The following CREBBP variants were observed in gnomAD, a reference collection of about 807,000 sequenced individuals.
CREBBP encodes the protein CREB-binding protein.
CREBBP carries 19 observed loss-of-function variants against 265.0 expected under a neutral mutation model. The observed-to-expected ratio is 0.07, with a 90% CI of 0.05 to 0.11. The LOEUF (loss-of-function observed/expected upper bound fraction) is 0.11, where lower values mean the gene tolerates loss of function less well. CREBBP is among the 10% of genes least tolerant of loss of function. The pLI is 1.00. For missense variants in CREBBP, 2,525 were observed against 3,219.0 expected (o/e 0.78, Z 5.22); for synonymous variants, 1,457 against 1,223.7 (o/e 1.19, Z -3.98).
At chr16:3,869,812 T>G (rs558386337) in intron 1 of CREBBP, among the ~76,000 whole-genome samples, 8 of 152,206 alleles carry the variant, frequency 5.3e-5, no homozygotes, top group African/African-American at 1.9e-4. Flanking sequence ...ACCCTCTTCC[T>G]CCTGGGAAAG....
chr16:3,763,204 T>C (rs986389701), intron 16 of CREBBP, among the ~76,000 whole-genome samples: 1 of 150,318 alleles, frequency 6.7e-6, no homozygotes, highest in Non-Finnish European at 1.5e-5. Flanking sequence ...TCTTCTGGAG[T>C]GCAGTAGCGT....
rs532687819 is a variant in CREBBP, at chr16:3,871,846, G to A, written c.85+7986C>T. On this transcript the variant is annotated intron_variant, in intron 1 of 30. Coordinates refer to ENST00000262367, the MANE Select transcript of CREBBP (RefSeq NM_004380.3). ...TCGAAAGGTTGAATTAGGTGCAACT[G>A]GAAAATATACCTACTGTATACAATA... Among the ~76,000 whole-genome samples the A allele has an allele frequency of 2.6e-5, 4 of 152,288 alleles. No individual in the cohort carries two copies. The East Asian group carries it at 7.7e-4, about 29-fold the overall frequency.
At chr16:3,774,474 C>T (rs1567302553) in intron 12 of CREBBP, 95 bp downstream of exon 12, 8 of 1,551,402 alleles carry the variant, frequency 5.2e-6, no homozygotes, top group African/African-American at 2.7e-5. Context: ...GGAACAAGAA[C>T]CACAGGATTC....
intron 3 of CREBBP, among the ~76,000 whole-genome samples, chr16:3,794,956 CTG>C (rs746406365): frequency 1.7e-4 from 26 of 152,304 alleles, no homozygotes; most frequent in Admixed American, 1.4e-3. Flanking sequence ...TGAATCAAAA[CTG>C]TATATTCACA....
chr16:3,867,215 C>T (rs1304980502), intron 1 of CREBBP, among the ~76,000 whole-genome samples: 2 of 152,072 alleles, frequency 1.3e-5, no homozygotes, highest in African/African-American at 4.8e-5. Flanking sequence ...GAGCTGGCTG[C>T]ATGACATGCA....
At chr16:3,853,349 G>A (rs1476116628) in intron 1 of CREBBP, among the ~76,000 whole-genome samples, 3 of 152,296 alleles carry the variant, frequency 2.0e-5, no homozygotes, top group Admixed American at 6.5e-5. Context: ...GGTGGCTCAC[G>A]CCTGTAATCC....
At position 3,725,250 on chromosome 16, in the gene CREBBP, C is replaced by G. The variant is rs535625078; in HGVS notation, c.*2468G>C. On this transcript the variant is annotated 3_prime_UTR_variant, in exon 31 of 31. Coordinates refer to ENST00000262367, the MANE Select transcript of CREBBP (RefSeq NM_004380.3). ...GGTTAGCATCCACAGACCATGCTCT[C>G]GGTCACATCCTTCGACATCTGGATT... is the stretch of plus-strand genomic sequence containing the variant. 1 of 233,346 alleles carries G rather than the reference C, an allele frequency of 4.3e-6. No homozygotes were observed. The highest frequency in any genetic ancestry group is 2.2e-5 in the African/African-American group (1 of 45,336). The allele number at this position is 233,346 out of a possible 1,614,324, so 14.5% of individuals were successfully genotyped here.
Position 3,764,922 on chromosome 16 carries a change from G to C in CREBBP, c.3250+2798C>G, listed in dbSNP as rs150034008. Among the ~76,000 whole-genome samples the C allele has an allele frequency of 1.4e-4, 21 of 151,556 alleles. No individual in the cohort carries two copies. The East Asian group carries it at 4.1e-3, about 29-fold the overall frequency. On this transcript the variant is annotated intron_variant, in intron 16 of 30. Transcript: ENST00000262367. ...GATGAGATAGTAAAAAGTATTCCTT[G>C]TATTAAATCTTAAGCGTTTGGTACA...
At chr16:3,739,494 G>A (rs1289178643) in intron 25 of CREBBP, 84 bp downstream of exon 25, 9 of 1,537,590 alleles carry the variant, frequency 5.9e-6, no homozygotes, top group Non-Finnish European at 8.1e-6. Context: ...AAGGCTCACA[G>A]GCTCCTCTGG....
chr16:3,866,104 A>T (rs1413110337), intron 1 of CREBBP, among the ~76,000 whole-genome samples: 8 of 152,242 alleles, frequency 5.3e-5, no homozygotes, highest in African/African-American at 1.7e-4. Flanking sequence ...TTAGTTCAAA[A>T]TATATTTAGT....
intron 19 of CREBBP, among the ~76,000 whole-genome samples, chr16:3,754,916 A>G (rs568031281): frequency 5.6e-4 from 86 of 152,242 alleles, no homozygotes; most frequent in Non-Finnish European, 6.2e-4. Flanking sequence ...AAATAAAAAC[A>G]TAAGCAGTTA....
Position 3,760,972 on chromosome 16 carries a change from GA to G in CREBBP, c.3251-2001del. Among the ~76,000 whole-genome samples the G allele has an allele frequency of 2.0e-5, 3 of 151,924 alleles. 1 individual carries two copies. In the South Asian group the frequency reaches 6.2e-4, roughly 32 times the overall value. On this transcript the variant is annotated intron_variant, in intron 16 of 30. Coordinates refer to ENST00000262367, the MANE Select transcript of CREBBP (RefSeq NM_004380.3). The stretch of plus-strand genomic sequence containing the variant: ...TATCTTGAAAAGATTTGTTTTTTTT[GA>G]GACGGAGTTTCACTCTTGTTGTCTA...
intron 3 of CREBBP, among the ~76,000 whole-genome samples, chr16:3,799,971 C>A (rs9936092): frequency 0.073 from 11,056 of 151,766 alleles, 1,116 homozygotes; most frequent in African/African-American, 0.23. Context: ...CAAAATCAGA[C>A]GAATCAGTAA....
intron 15 of CREBBP, among the ~76,000 whole-genome samples, chr16:3,768,917 CTGT>C (rs2141188500): frequency 6.6e-6 from 1 of 152,262 alleles, no homozygotes; most frequent in African/African-American, 2.4e-5. Context: ...AAATAAAAGG[CTGT>C]TGGATGATTC....
At chr16:3,773,634 C>G in intron 13 of CREBBP, 117 bp downstream of exon 13, 2 of 1,084,780 alleles carry the variant, frequency 1.8e-6, no homozygotes, top group South Asian at 2.9e-5. Context: ...GATACAAAGA[C>G]ATGAAATGTG....
At chr16:3,805,981 G>C (rs1256278815) in intron 3 of CREBBP, among the ~76,000 whole-genome samples, 12 of 152,244 alleles carry the variant, frequency 7.9e-5, no homozygotes, top group Non-Finnish European at 1.3e-4. Context: ...CAAGTTAAGA[G>C]TGACTACAAG....
intron 9 of CREBBP, 142 bp from the exon 10 acceptor site, chr16:3,778,324 C>A: frequency 1.4e-6 from 1 of 697,416 alleles, no homozygotes; most frequent in South Asian, 1.7e-5. Flanking sequence ...ACACCAGAAG[C>A]CCACATTCTT....
In CREBBP at chr16:3,725,802, G is replaced by T. The variant is rs569461330; in HGVS notation, c.*1916C>A. On this transcript the variant is annotated 3_prime_UTR_variant, in exon 31 of 31. Transcript: ENST00000262367. Reference sequence around the variant, plus strand: ...ATCTGTGAATGTAAGGGCCCAAACGGAAGCTATTTGGGGCGTGATTTCTAA... The same window carrying T: ...ATCTGTGAATGTAAGGGCCCAAACGTAAGCTATTTGGGGCGTGATTTCTAA... 17 of 233,246 alleles carry T rather than the reference G, an allele frequency of 7.3e-5. No homozygotes were observed. Among genetic ancestry groups the T allele is most frequent in the African/African-American group, 2.6e-4 (12 of 45,470 alleles). The allele number at this position is 233,246 out of a possible 1,614,324, so 14.4% of individuals were successfully genotyped here.
intron 2 of CREBBP, among the ~76,000 whole-genome samples, chr16:3,817,976 C>T (rs1384814750): frequency 1.3e-5 from 2 of 152,212 alleles, no homozygotes; most frequent in Non-Finnish European, 2.9e-5. Flanking sequence ...GGTTCCTCAT[C>T]TCACACAACC....
Sources: gnomAD v4.1 joint callset for allele counts (sites outside exome capture counted in the v4.1 genomes callset) on GRCh38, gnomAD v4.1.1 for gene constraint, MANE v1.5 for transcripts, NCBI Gene and HGNC (gene_info 2026-07-23, HGNC 2026-07-21) for gene names.